The following GALNTL6 variants were observed in gnomAD, a reference collection of about 807,000 sequenced individuals.
The protein encoded by GALNTL6 is polypeptide N-acetylgalactosaminyltransferase like 6, also known as polypeptide N-acetylgalactosaminyltransferase-like 6.
A neutral mutation model predicts 73.7 loss-of-function variants in GALNTL6; 46 were observed. That is an observed-to-expected ratio of 0.62 (90% CI 0.49 to 0.80). GALNTL6 has a LOEUF of 0.80. Ranked by LOEUF, GALNTL6 falls within the 30% of genes least tolerant of loss-of-function variation. The pLI, the probability that GALNTL6 is intolerant of heterozygous loss-of-function variation, is 0.00. For synonymous variants in GALNTL6, 259 were observed against 263.7 expected, an observed-to-expected ratio of 0.98 and a Z score of 0.17; for missense variants, 604 against 755.0, an observed-to-expected ratio of 0.80 and a Z score of 2.34.
At chr4:172,291,457 A>T (rs1739467310) in intron 3 of GALNTL6, among the ~76,000 whole-genome samples, 1 of 152,156 alleles carries the variant, frequency 6.6e-6, no homozygotes, top group Middle Eastern at 3.2e-3. Context: ...TTTAAAGGCT[A>T]ATTCTTCACA....
chr4:172,313,788 AAAAG>A (rs1400143829), intron 4 of GALNTL6, among the ~76,000 whole-genome samples: 1 of 152,242 alleles, frequency 6.6e-6, no homozygotes, highest in Non-Finnish European at 1.5e-5. Context: ...TAGTAAGAAA[AAAAG>A]AAAAAATACG....
At chr4:171,848,622 G>A (rs571460925) in intron 2 of GALNTL6, among the ~76,000 whole-genome samples, 10 of 152,286 alleles carry the variant, frequency 6.6e-5, no homozygotes, top group Admixed American at 5.2e-4. Context: ...CTACATCAGC[G>A]TCTACTGCTT....
In GALNTL6 at chr4:173,035,425, G is replaced by A. The variant is rs1464035263; in HGVS notation, c.1639-4508G>A. Among the ~76,000 whole-genome samples, 6 of 152,102 alleles carry A rather than the reference G, an allele frequency of 3.9e-5. No homozygotes were observed. In the East Asian group the frequency reaches 9.6e-4, roughly 24 times the overall value. On this transcript the variant is annotated intron_variant, in intron 12 of 12. Transcript: ENST00000506823. ...ACTTCTGACCTCAGGTGATCCGCCC[G>A]CCTTGGCCTCCCAAAGTGCTGGGAT...
intron 5 of GALNTL6, among the ~76,000 whole-genome samples, chr4:172,634,051 A>G (rs1189687281): frequency 6.6e-6 from 1 of 152,220 alleles, no homozygotes; most frequent in Non-Finnish European, 1.5e-5. Flanking sequence ...CCTAAACTTC[A>G]TAACTTATCT....
At chr4:172,064,188 C>T (rs889872162) in intron 2 of GALNTL6, among the ~76,000 whole-genome samples, 1 of 152,182 alleles carries the variant, frequency 6.6e-6, no homozygotes, top group African/African-American at 2.4e-5. Context: ...GTAGTCAGAT[C>T]ATCCAAGAAC....
At chr4:172,205,395 A>T (rs1027323583) in intron 2 of GALNTL6, among the ~76,000 whole-genome samples, 2 of 152,220 alleles carry the variant, frequency 1.3e-5, no homozygotes, top group African/African-American at 4.8e-5. Context: ...ATAGACTGGG[A>T]CTTGTGCTAG....
chr4:172,840,093 A>T (rs1043278677), intron 7 of GALNTL6, among the ~76,000 whole-genome samples: 1 of 152,218 alleles, frequency 6.6e-6, no homozygotes, highest in African/African-American at 2.4e-5. Flanking sequence ...AGCTGCACAA[A>T]AAAAGGAACC....
At chr4:172,005,086 A>G (rs1477155202) in intron 2 of GALNTL6, among the ~76,000 whole-genome samples, 1 of 150,108 alleles carries the variant, frequency 6.7e-6, no homozygotes, top group African/African-American at 2.4e-5. Context: ...TCTATTAGAA[A>G]TAGCTTCTCT....
intron 5 of GALNTL6, among the ~76,000 whole-genome samples, chr4:172,726,860 C>G (rs1735846571): frequency 1.3e-5 from 2 of 152,028 alleles, no homozygotes; most frequent in Admixed American, 1.3e-4. Flanking sequence ...TCTAATAGTC[C>G]CTGCTTCTGT....
chr4:172,584,518 A>G (rs529248998), intron 5 of GALNTL6, among the ~76,000 whole-genome samples: 1 of 152,198 alleles, frequency 6.6e-6, no homozygotes, highest in Non-Finnish European at 1.5e-5. Context: ...TAGAGACTAC[A>G]TTTGAAGAGA....
intron 3 of GALNTL6, among the ~76,000 whole-genome samples, chr4:172,236,411 T>C (rs1036130576): frequency 6.6e-6 from 1 of 151,886 alleles, no homozygotes; most frequent in Admixed American, 6.6e-5. Flanking sequence ...TGTAAAAAAA[T>C]TAGCCAGGCA....
At chr4:172,225,062 A>T (rs560166293) in intron 2 of GALNTL6, among the ~76,000 whole-genome samples, 1 of 152,210 alleles carries the variant, frequency 6.6e-6, no homozygotes, top group South Asian at 2.1e-4. Context: ...CAACCTAATG[A>T]TGGGTCTGAA....
chr4:171,954,405 C>T (rs1738982868), intron 2 of GALNTL6, among the ~76,000 whole-genome samples: 1 of 152,136 alleles, frequency 6.6e-6, no homozygotes, highest in Admixed American at 6.6e-5. Flanking sequence ...TATAGTTATA[C>T]AATGAACAAT....
chr4:172,725,471 A>G (rs1053362651), intron 5 of GALNTL6, among the ~76,000 whole-genome samples: 1 of 152,206 alleles, frequency 6.6e-6, no homozygotes, highest in African/African-American at 2.4e-5. Flanking sequence ...TCTTCTTCTC[A>G]ACAGATATAA....
chr4:171,992,741 A>G (rs1226871672), intron 2 of GALNTL6, among the ~76,000 whole-genome samples: 2 of 152,116 alleles, frequency 1.3e-5, no homozygotes, highest in Admixed American at 6.6e-5. Context: ...TTTAGAAACT[A>G]GAAAGCCTAA....
chr4:171,974,908 G>C lies in GALNTL6; in HGVS notation c.138+160190G>C, dbSNP rs1739675309. ...GCTTTTTCAATGATGCTTTCTTAAT[G>C]ACACTTTACAAATTACACTAATAGT... On this transcript the variant is annotated intron_variant, in intron 2 of 12. Coordinates refer to ENST00000506823, the MANE Select transcript of GALNTL6 (RefSeq NM_001034845.3). Among the ~76,000 whole-genome samples the C allele has an allele frequency of 2.6e-5, 4 of 152,262 alleles. No individual in the cohort carries two copies. In the South Asian group the frequency reaches 8.3e-4, roughly 32 times the overall value.
At chr4:172,696,464 A>C (rs1276616061) in intron 5 of GALNTL6, among the ~76,000 whole-genome samples, 2 of 152,116 alleles carry the variant, frequency 1.3e-5, no homozygotes, top group Admixed American at 6.6e-5. Context: ...TGGTTTGACT[A>C]TGTCCCCCAC....
chr4:171,880,324 A>G (rs1736402740), intron 2 of GALNTL6, among the ~76,000 whole-genome samples: 1 of 152,230 alleles, frequency 6.6e-6, no homozygotes, highest in African/African-American at 2.4e-5. Context: ...GAATGCCAGT[A>G]ATGTTTCCTG....
chr4:172,784,940 A>C, intron 5 of GALNTL6, among the ~76,000 whole-genome samples: 1 of 152,178 alleles, frequency 6.6e-6, no homozygotes, highest in East Asian at 1.9e-4. Flanking sequence ...AAGGAAGACA[A>C]GCTGAGCCAA....
Sources: allele counts gnomAD v4.1 joint callset (sites outside exome capture counted in the v4.1 genomes callset), GRCh38; gene constraint gnomAD v4.1.1; transcripts MANE v1.5; gene names NCBI Gene and HGNC (gene_info 2026-07-23, HGNC 2026-07-21).